The following NME6 variants were observed in gnomAD, a reference collection of about 807,000 sequenced individuals.
NME6 encodes the protein NME/NM23 nucleoside diphosphate kinase 6.
A neutral mutation model predicts 22.2 loss-of-function variants in NME6; 16 were observed. That is an observed-to-expected ratio of 0.72 (90% CI 0.49 to 1.09). The LOEUF is 1.09. Among genes scored for constraint, NME6 ranks in the 50% least tolerant of loss-of-function variants. NME6 has a pLI of 0.00. For missense variants in NME6, 229 were observed against 239.0 expected, an observed-to-expected ratio of 0.96 and a Z score of 0.28; for synonymous variants, 58 against 85.2, an observed-to-expected ratio of 0.68 and a Z score of 1.76.
chr3:48,291,532 C>A, downstream of NME6: 1 of 179,772 alleles, frequency 5.6e-6, no homozygotes. Context: ...GCATGCACCA[C>A]CACACCCAGC....
At chr3:48,300,459 C>A in intron 1 of NME6, 1 of 403,260 alleles carries the variant, frequency 2.5e-6, no homozygotes, top group South Asian at 1.8e-5. Context: ...CTTCCCGTTA[C>A]ACTTTCTCAC....
chr3:48,298,536 A>G lies in NME6; in HGVS notation c.-7-13T>C. 1.9e-6 allele frequency: 3 copies of G among 1,584,956 alleles called. No homozygotes were observed. The highest frequency in any genetic ancestry group is 2.6e-6 in the Non-Finnish European group (3 of 1,166,004). On this transcript the variant is annotated splice_polypyrimidine_tract_variant and intron_variant, in intron 1 of 5. Transcript: ENST00000442597. ...GGCCATCTCACTCCTGCCATTAGAGAGCTGTATTAGGAACCCTTCAGGACG... is the reference window on the plus strand; with the variant it reads ...GGCCATCTCACTCCTGCCATTAGAGGGCTGTATTAGGAACCCTTCAGGACG...
rs762960209 is a variant in NME6 at position 48,294,615 on chromosome 3, C to T, written c.*22G>A. The stretch of plus-strand genomic sequence containing the variant: ...TGTCTAGGAGAAGTCTGGGCACTAC[C>T]ACTGGTCTTCATAGACCTGCATCAG... On this transcript the variant is annotated 3_prime_UTR_variant, in exon 6 of 6. Transcript: ENST00000442597. 3 of 1,610,804 alleles carry T rather than the reference C, an allele frequency of 1.9e-6. No individual in the cohort carries two copies. The highest frequency in any genetic ancestry group is 2.5e-6 in the Non-Finnish European group (3 of 1,177,646).
intron 4 of NME6, 118 bp from the exon 5 acceptor site, chr3:48,295,353 C>CTGAG (rs2034975052): frequency 8.6e-7 from 1 of 1,165,636 alleles, no homozygotes; most frequent in Non-Finnish European, 1.2e-6. Context: ...GCCTTTCCAG[C>CTGAG]TGAGTACCAA....
At chr3:48,295,863 C>G (rs914295393) in intron 4 of NME6, 2 of 513,360 alleles carry the variant, frequency 3.9e-6, no homozygotes, top group African/African-American at 3.9e-5. Context: ...TTACAGGCAC[C>G]TGCCACCATG....
downstream of NME6, among the ~76,000 whole-genome samples, chr3:48,290,260 A>T (rs563051085): frequency 1.3e-3 from 201 of 151,526 alleles, 1 homozygote; most frequent in African/African-American, 4.0e-3. Context: ...ATTAAAAAAA[A>T]ATTTTTTTTT....
chr3:48,294,031 T>A lies in NME6; in HGVS notation c.*606A>T, dbSNP rs2034775862. 6.6e-6 allele frequency: 1 copy of A among 151,794 alleles called. No individual in the cohort carries two copies. The highest frequency in any genetic ancestry group is 2.4e-5 in the African/African-American group (1 of 41,304). 9.4% of individuals were successfully genotyped at this position (151,794 alleles called of 1,614,324 possible). ...ACTGACTTTTATTGAGGAAGACAGG[T>A]CAAATGTTGTTTGGAGTCACTGCAT... On this transcript the variant is annotated 3_prime_UTR_variant, in exon 6 of 6. Coordinates refer to ENST00000442597, the MANE Select transcript of NME6 (RefSeq NM_001308426.2).
chr3:48,294,497 G>T lies in NME6; in HGVS notation c.*140C>A. Reference sequence around the variant, plus strand: ...GGCTAGATCCTGGAGGATGTGCTGTGGTGAGCTAGGCCCTCAGGCAGGTGG... The same window carrying T: ...GGCTAGATCCTGGAGGATGTGCTGTTGTGAGCTAGGCCCTCAGGCAGGTGG... On this transcript the variant is annotated 3_prime_UTR_variant, in exon 6 of 6. Transcript: ENST00000442597. The T allele has an allele frequency of 1.4e-6, 1 of 707,860 alleles. No individual in the cohort carries two copies. Among genetic ancestry groups the T allele is most frequent in the Non-Finnish European group, 2.4e-6 (1 of 422,596 alleles). The allele number at this position is 707,860 out of a possible 1,614,324, so 43.8% of individuals were successfully genotyped here. A position where few individuals can be genotyped will look rare whatever the true frequency, so the allele number is the denominator to read the frequency against.
chr3:48,291,125 G>T, downstream of NME6: 1 of 297,082 alleles, frequency 3.4e-6, no homozygotes, highest in Non-Finnish European at 6.7e-6. Context: ...ACTGATTGCA[G>T]TATGTCTTAT....
At position 48,298,266 on chromosome 3, in the gene NME6, A is replaced by C. The variant is rs139640270; in HGVS notation, c.90+161T>G. ...ATTTTAGGTCTGCCTCAAGTCTCCA[A>C]TGGATTCTTAGTCTCCTTAGGTCAG... On this transcript the variant is annotated intron_variant, in intron 2 of 5. Transcript: ENST00000442597. 3.2e-4 allele frequency: 216 copies of C among 677,424 alleles called. 4 individuals are homozygous for C. In the East Asian group the frequency reaches 5.9e-3, roughly 18 times the overall value. 42.0% of individuals were successfully genotyped at this position (677,424 alleles called of 1,614,324 possible). A position where few individuals can be genotyped will look rare whatever the true frequency, so the allele number is the denominator to read the frequency against.
At chr3:48,296,866 G>A in intron 2 of NME6, 37 bp from the exon 3 acceptor site, 2 of 1,523,198 alleles carry the variant, frequency 1.3e-6, no homozygotes, top group Admixed American at 1.7e-5. Context: ...AAATCAATCA[G>A]GAGACTGAAA....
chr3:48,301,317 A>T (rs1163383587), intron 1 of NME6, 36 bp downstream of exon 1: 1 of 1,592,110 alleles, frequency 6.3e-7, no homozygotes, highest in Admixed American at 1.8e-5. Context: ...GGTCATTCGG[A>T]GCCCCAGTGC....
At chr3:48,291,178 A>T, downstream of NME6, 1 of 327,280 alleles carries the variant, frequency 3.1e-6, no homozygotes, top group Non-Finnish European at 6.0e-6. Context: ...ATCAAACAGG[A>T]CGTGGTAAGG....
At chr3:48,291,239 GA>G (rs998843246), downstream of NME6, 8 of 385,562 alleles carry the variant, frequency 2.1e-5, no homozygotes, top group Non-Finnish European at 3.5e-5. Context: ...GGGTATTGGG[GA>G]ACTTTTCTTT....
At chr3:48,294,837 C>T in intron 5 of NME6, 34 bp from the exon 6 acceptor site, 1 of 1,602,882 alleles carries the variant, frequency 6.2e-7, no homozygotes, top group Non-Finnish European at 8.5e-7. Flanking sequence ...AAGGGGTTCT[C>T]ACATGGTAGA....
chr3:48,298,631 C>G lies in NME6; in HGVS notation c.-7-108G>C, dbSNP rs540495008. The G allele has an allele frequency of 5.0e-5, 35 of 699,320 alleles. No individual in the cohort carries two copies. The South Asian group carries it at 6.1e-4, about 12-fold the overall frequency. The allele number at this position is 699,320 out of a possible 1,614,324, so 43.3% of individuals were successfully genotyped here. ...CCAACGAGTGCTCTCACTCCTGACA[C>G]TCATAAAGAACCTGACAGTTTCATC... On this transcript the variant is annotated intron_variant, in intron 1 of 5. Transcript: ENST00000442597.
At position 48,294,870 on chromosome 3, in the gene NME6, G is replaced by T. The variant is rs1021570213; in HGVS notation, c.395-67C>A. ...AGAAGCAAGAGGCAGTCATAATCAG[G>T]TTCAGAATCCTGAGCCTCTACTCTG... On this transcript the variant is annotated intron_variant, in intron 5 of 5. Transcript: ENST00000442597. 1.2e-5 allele frequency: 19 copies of T among 1,552,878 alleles called. No homozygotes were observed. The African/African-American group carries it at 2.0e-4, about 17-fold the overall frequency.
At chr3:48,289,678 A>C (rs142183823), downstream of NME6, among the ~76,000 whole-genome samples, 535 of 152,330 alleles carry the variant, frequency 3.5e-3, 6 homozygotes, top group African/African-American at 0.012. Flanking sequence ...GATTAAGTCT[A>C]AATTTTGGAG....
chr3:48,290,981 G>A (rs966019409), downstream of NME6: 18 of 289,042 alleles, frequency 6.2e-5, no homozygotes, highest in Non-Finnish European at 1.2e-4. Context: ...CTTCCTGTGC[G>A]TGGTAATTTG....
Sources: gnomAD v4.1 joint callset for allele counts (sites outside exome capture counted in the v4.1 genomes callset) on GRCh38, gnomAD v4.1.1 for gene constraint, MANE v1.5 for transcripts, NCBI Gene and HGNC (gene_info 2026-07-23, HGNC 2026-07-21) for gene names.